Variants in LINGO2 observed in about 807,000 individuals in gnomAD.
LINGO2 encodes leucine rich repeat and Ig domain containing 2.
LINGO2 carries 14 observed loss-of-function variants against 30.6 expected under a neutral mutation model. The observed-to-expected ratio is 0.46, with a 90% CI of 0.30 to 0.72. The LOEUF is 0.72. LINGO2 is among the 30% of genes least tolerant of loss of function. LINGO2 has a pLI of 0.07. For missense variants in LINGO2, 729 were observed against 751.7 expected, an observed-to-expected ratio of 0.97 and a Z score of 0.35; for synonymous variants, 317 against 288.5, an observed-to-expected ratio of 1.10 and a Z score of -1.00.
At chr9:28,201,047 C>G (rs1211641031) in intron 4 of LINGO2, among the ~76,000 whole-genome samples, 1 of 150,620 alleles carries the variant, frequency 6.6e-6, no homozygotes, top group Non-Finnish European at 1.5e-5. Context: ...ATACTGCTCT[C>G]CTTGAGACTT....
chr9:28,189,704 G>A lies in LINGO2; in HGVS notation c.-87+105504C>T, dbSNP rs1302116467. The stretch of plus-strand genomic sequence containing the variant: ...GGAAGGGAGGAAGGAAGGGAGGGAG[G>A]AAGGAAGGAAGGAAGGAAGGTTGGT... On this transcript the variant is annotated intron_variant, in intron 4 of 5. Transcript: ENST00000379992. Among the ~76,000 whole-genome samples the A allele has an allele frequency of 1.0e-4, 14 of 134,828 alleles. 1 individual carries two copies. Among genetic ancestry groups the A allele is most frequent in the African/African-American group, 3.5e-4 (13 of 37,170 alleles). 88.5% of individuals were successfully genotyped at this position (134,828 alleles called of 152,430 possible).
At chr9:28,547,865 T>G (rs1281868542) in intron 1 of LINGO2, among the ~76,000 whole-genome samples, 1 of 151,942 alleles carries the variant, frequency 6.6e-6, no homozygotes, top group Non-Finnish European at 1.5e-5. Context: ...TTGAAGAAAA[T>G]AGGGGGAAGA....
rs1398254581 is a variant in LINGO2, at chr9:27,951,366, A to G, written c.-35-660T>C. Among the ~76,000 whole-genome samples, 4 of 152,342 alleles carry G rather than the reference A, an allele frequency of 2.6e-5. No homozygotes were observed. The East Asian group carries it at 7.7e-4, about 29-fold the overall frequency. ...ATTTGAGGCAGACAAAAGATCCTCA[A>G]AGTATCCCTGTATTGTTTTTGTTTC... On this transcript the variant is annotated intron_variant, in intron 5 of 5. Coordinates refer to ENST00000379992, the Ensembl canonical transcript of LINGO2.
the LINGO2 span, among the ~76,000 whole-genome samples, chr9:29,193,145 T>A: frequency 1.3e-5 from 2 of 152,180 alleles, no homozygotes; most frequent in Non-Finnish European, 2.9e-5. Context: ...CTCCTTGCCC[T>A]CATTATTTAC....
intron 2 of LINGO2, among the ~76,000 whole-genome samples, chr9:28,402,706 C>T (rs1005763693): frequency 6.6e-6 from 1 of 152,120 alleles, no homozygotes; most frequent in Middle Eastern, 3.4e-3. Context: ...TTTTCTAAGG[C>T]ACACATCTGA....
chr9:28,225,004 A>G (rs1401494200), intron 4 of LINGO2, among the ~76,000 whole-genome samples: 3 of 152,208 alleles, frequency 2.0e-5, no homozygotes, highest in African/African-American at 7.2e-5. Context: ...AGCACCAAGA[A>G]CATACCTTGA....
At chr9:28,204,439 A>AT (rs1399750434) in intron 4 of LINGO2, among the ~76,000 whole-genome samples, 1 of 152,090 alleles carries the variant, frequency 6.6e-6, no homozygotes, top group Non-Finnish European at 1.5e-5. Flanking sequence ...GTGTCAGTAT[A>AT]TTTTTCTATT....
chr9:28,938,727 T>A, the LINGO2 span, among the ~76,000 whole-genome samples: 1 of 152,218 alleles, frequency 6.6e-6, no homozygotes, highest in Non-Finnish European at 1.5e-5. Flanking sequence ...CCATGCCATG[T>A]AGGTTTGTGT....
chr9:28,197,395 T>C (rs1820052598), intron 4 of LINGO2, among the ~76,000 whole-genome samples: 1 of 151,736 alleles, frequency 6.6e-6, no homozygotes, highest in Non-Finnish European at 1.5e-5. Flanking sequence ...AAAAAACAGA[T>C]TAAAACAACC....
rs955167045 is a variant in LINGO2, at chr9:28,360,380, G to C, written c.-246+12456C>G. Among the ~76,000 whole-genome samples the C allele has an allele frequency of 2.0e-5, 3 of 152,168 alleles. No homozygotes were observed. The South Asian group carries it at 6.2e-4, about 31-fold the overall frequency. ...ACATCAAGGAACCTATACCTGCAAA[G>C]TATAATTTAACTTATACCTGAAAAG... On this transcript the variant is annotated intron_variant, in intron 3 of 5. Transcript: ENST00000379992.
At chr9:29,083,454 G>C in the LINGO2 span, among the ~76,000 whole-genome samples, 30,004 of 151,950 alleles carry the variant, frequency 0.2, 3,106 homozygotes, top group African/African-American at 0.24. Context: ...AGGGGGGATG[G>C]ATAGCATTAG....
At chr9:28,479,897 GTATATATACGTAGGTATATATATATATA>G (rs1825874338) in intron 1 of LINGO2, among the ~76,000 whole-genome samples, 1 of 104,426 alleles carries the variant, frequency 9.6e-6, no homozygotes, top group Non-Finnish European at 2.0e-5. Context: ...GTGTGTATGT[GTATATATACGTAGGTATATATATATATA>G]TATATATATA....
intron 1 of LINGO2, among the ~76,000 whole-genome samples, chr9:28,603,863 T>A (rs72715215): frequency 0.13 from 20,314 of 152,006 alleles, 1,900 homozygotes; most frequent in Admixed American, 0.26. Context: ...CTGCTGTCCA[T>A]TTTTATTGAA....
chr9:28,791,743 A>G, the LINGO2 span, among the ~76,000 whole-genome samples: 151,724 of 152,004 alleles, frequency 1, 75,722 homozygotes, highest in Middle Eastern at 1. Context: ...TTTACTGAAT[A>G]CAGTATTATA....
chr9:28,760,487 T>C, the LINGO2 span, among the ~76,000 whole-genome samples: 1 of 152,040 alleles, frequency 6.6e-6, no homozygotes, highest in Non-Finnish European at 1.5e-5. Flanking sequence ...CCTAAAAGGC[T>C]TGTTAAATTT....
intron 3 of LINGO2, among the ~76,000 whole-genome samples, chr9:28,363,197 G>A (rs938592840): frequency 2.6e-5 from 4 of 152,192 alleles, no homozygotes; most frequent in Admixed American, 2.0e-4. Flanking sequence ...TGGAAAAACT[G>A]GGATTCAAGC....
chr9:27,952,107 C>T (rs1014187843), intron 5 of LINGO2, among the ~76,000 whole-genome samples: 2 of 151,950 alleles, frequency 1.3e-5, no homozygotes, highest in African/African-American at 4.8e-5. Flanking sequence ...TCATGGAAAC[C>T]AATGGAAATC....
At chr9:28,337,937 C>G (rs1389602903) in intron 3 of LINGO2, among the ~76,000 whole-genome samples, 1 of 152,162 alleles carries the variant, frequency 6.6e-6, no homozygotes, top group Non-Finnish European at 1.5e-5. Flanking sequence ...ACTTCCCACA[C>G]AGAGTCCCCA....
chr9:28,640,940 T>C (rs1827544568), intron 1 of LINGO2, among the ~76,000 whole-genome samples: 1 of 152,164 alleles, frequency 6.6e-6, no homozygotes, highest in African/African-American at 2.4e-5. Flanking sequence ...CTCTGTTTTT[T>C]CCCCATCTTC....
Sources: gnomAD v4.1 joint callset for allele counts (sites outside exome capture counted in the v4.1 genomes callset) on GRCh38, gnomAD v4.1.1 for gene constraint, MANE v1.5 for transcripts, NCBI Gene and HGNC (gene_info 2026-07-23, HGNC 2026-07-21) for gene names.